OSTF1: variants seen among roughly 807,000 people sequenced by gnomAD.
OSTF1 encodes the protein osteoclast stimulating factor 1.
OSTF1 carries 27 observed loss-of-function variants against 37.2 expected under a neutral mutation model. That is an observed-to-expected ratio of 0.73 (90% CI 0.54 to 1.00). OSTF1 has a LOEUF of 1.00. Among genes scored for constraint, OSTF1 ranks in the 50% least tolerant of loss-of-function variants. The probability of loss-of-function intolerance (pLI) is 0.00; values close to 1 mark genes in which losing one functional copy is unlikely to be tolerated. For missense variants in OSTF1, 232 were observed against 253.8 expected (o/e 0.91, Z 0.58); for synonymous variants, 82 against 89.2 (o/e 0.92, Z 0.46).
chr9:75,132,801 G>A (rs925682238), intron 5 of OSTF1, among the ~76,000 whole-genome samples: 2 of 152,142 alleles, frequency 1.3e-5, no homozygotes, highest in African/African-American at 4.8e-5. Context: ...TTATAGTTTA[G>A]CATATAAGAG....
intron 1 of OSTF1, among the ~76,000 whole-genome samples, chr9:75,104,221 A>G (rs1825245798): frequency 6.6e-6 from 1 of 152,016 alleles, no homozygotes; most frequent in African/African-American, 2.4e-5. Context: ...TCCAGCCAGG[A>G]CGACTTGAGT....
chr9:75,093,060 C>CTTTTTTTTTTTTTTTTTTTTTTTTTT (rs1433476660), intron 1 of OSTF1, among the ~76,000 whole-genome samples: 1 of 134,950 alleles, frequency 7.4e-6, no homozygotes. Context: ...CTCTTTCTTT[C>CTTTTTTTTTTTTTTTTTTTTTTTTTT]TTTCTTTTTT....
chr9:75,091,360 C>T lies in OSTF1; in HGVS notation c.34+2634C>T, dbSNP rs1158402651. Among the ~76,000 whole-genome samples, 4 of 152,138 alleles carry T rather than the reference C, an allele frequency of 2.6e-5. No individual in the cohort carries two copies. In the East Asian group the frequency reaches 7.7e-4, roughly 29 times the overall value. Reference sequence around the variant, plus strand: ...CAAAGTGTGGGATCACTGTGCCTGGCCAAAGTCTGCACTCTTAACCATTTG... The same window carrying T: ...CAAAGTGTGGGATCACTGTGCCTGGTCAAAGTCTGCACTCTTAACCATTTG... On this transcript the variant is annotated intron_variant, in intron 1 of 9. Transcript: ENST00000346234.
intron 1 of OSTF1, among the ~76,000 whole-genome samples, chr9:75,092,063 A>G (rs1824985359): frequency 6.6e-6 from 1 of 152,234 alleles, no homozygotes; most frequent in East Asian, 1.9e-4. Context: ...GCAAAACAGC[A>G]TGGCTCAATT....
intron 1 of OSTF1, among the ~76,000 whole-genome samples, chr9:75,099,264 C>T (rs1489770499): frequency 7.1e-6 from 1 of 141,728 alleles, no homozygotes; most frequent in African/African-American, 2.6e-5. Context: ...TGATAAATGG[C>T]TTTTTTTTTT....
chr9:75,110,588 C>CTTAAAA (rs1825369057), intron 1 of OSTF1, among the ~76,000 whole-genome samples: 1 of 152,172 alleles, frequency 6.6e-6, no homozygotes, highest in Admixed American at 6.6e-5. Context: ...TCTTAACATT[C>CTTAAAA]TTAAAAAGAC....
intron 9 of OSTF1, among the ~76,000 whole-genome samples, chr9:75,145,398 A>G (rs1826007887): frequency 6.6e-6 from 1 of 152,154 alleles, no homozygotes; most frequent in African/African-American, 2.4e-5. Flanking sequence ...CATATAGAAT[A>G]TTGTGTTCTT....
At chr9:75,142,361 G>C (rs1825957030) in intron 9 of OSTF1, among the ~76,000 whole-genome samples, 1 of 152,026 alleles carries the variant, frequency 6.6e-6, no homozygotes, top group African/African-American at 2.4e-5. Context: ...GCCTTGATTG[G>C]GTCAGGAAGT....
chr9:75,102,772 G>A (rs2118428090), intron 1 of OSTF1, among the ~76,000 whole-genome samples: 1 of 152,232 alleles, frequency 6.6e-6, no homozygotes, highest in East Asian at 1.9e-4. Context: ...TACTCCAGTG[G>A]CATCACAATG....
chr9:75,146,008 A>G (rs764590333), intron 9 of OSTF1, among the ~76,000 whole-genome samples: 31 of 152,202 alleles, frequency 2.0e-4, no homozygotes, highest in South Asian at 4.1e-4. Context: ...TTGAACTTCA[A>G]CAATGTGCTT....
intron 5 of OSTF1, 73 bp downstream of exon 5, chr9:75,131,896 G>A (rs1825766761): frequency 1.1e-5 from 12 of 1,073,104 alleles, no homozygotes; most frequent in Admixed American, 1.8e-5. Context: ...TTTGACAAGT[G>A]CATACACCCA....
intron 1 of OSTF1, among the ~76,000 whole-genome samples, chr9:75,092,529 A>C (rs1320706979): frequency 1.3e-5 from 2 of 152,158 alleles, no homozygotes; most frequent in Non-Finnish European, 2.9e-5. Context: ...GGCTGATCTC[A>C]TTCATTTTGT....
intron 1 of OSTF1, among the ~76,000 whole-genome samples, chr9:75,103,240 G>A (rs376926825): frequency 2.0e-5 from 3 of 152,142 alleles, no homozygotes; most frequent in African/African-American, 4.8e-5. Context: ...CTATGACTGC[G>A]TCATTGTACT....
At chr9:75,134,944 T>C (rs1825820237) in intron 7 of OSTF1, among the ~76,000 whole-genome samples, 1 of 152,262 alleles carries the variant, frequency 6.6e-6, no homozygotes, top group Non-Finnish European at 1.5e-5. Flanking sequence ...TTATACAGTC[T>C]TGATATATAA....
intron 2 of OSTF1, among the ~76,000 whole-genome samples, chr9:75,122,381 AG>A (rs1825594615): frequency 1.3e-5 from 2 of 152,198 alleles, no homozygotes; most frequent in Admixed American, 1.3e-4. Context: ...TGTGAAATAG[AG>A]ATTATATCCA....
At chr9:75,133,264 T>C (rs1416411997) in intron 5 of OSTF1, 30 bp from the exon 6 acceptor site, 6 of 1,326,832 alleles carry the variant, frequency 4.5e-6, no homozygotes, top group Non-Finnish European at 6.4e-6. Flanking sequence ...CTTTTTTTCT[T>C]GTGTTCTTGT....
chr9:75,128,363 CATATATATAT>C (rs1174174895), intron 3 of OSTF1, among the ~76,000 whole-genome samples: 274 of 11,476 alleles, frequency 0.024, 12 homozygotes, highest in Non-Finnish European at 0.03. Flanking sequence ...GTATGAAAGA[CATATATATAT>C]ATATATATAT....
At position 75,142,443 on chromosome 9, in the gene OSTF1, C is replaced by G. The variant is rs76131053; in HGVS notation, c.586+1511C>G. Among the ~76,000 whole-genome samples, 619 of 152,210 alleles carry G rather than the reference C, an allele frequency of 4.1e-3. 4 individuals are homozygous for G. Among genetic ancestry groups the G allele is most frequent in the African/African-American group, 0.014 (582 of 41,540 alleles). ...GTGGCTACCCTTAGCCTGTCCTGAC[C>G]GAAGAGTAAGGCTTCTTATGACCTG... On this transcript the variant is annotated intron_variant, in intron 9 of 9. Coordinates refer to ENST00000346234, the MANE Select transcript of OSTF1 (RefSeq NM_012383.5).
At chr9:75,131,704 G>T in intron 4 of OSTF1, 66 bp from the exon 5 acceptor site, 1 of 1,195,352 alleles carries the variant, frequency 8.4e-7, no homozygotes, top group Non-Finnish European at 1.3e-6. Flanking sequence ...TGGTGAATGA[G>T]TGGCTTCAGT....
Sources: allele counts gnomAD v4.1 joint callset (sites outside exome capture counted in the v4.1 genomes callset), GRCh38; gene constraint gnomAD v4.1.1; transcripts MANE v1.5; gene names NCBI Gene and HGNC (gene_info 2026-07-23, HGNC 2026-07-21).